Variants in ZMAT4 observed in about 807,000 individuals in gnomAD.
The protein encoded by ZMAT4 is zinc finger matrin-type protein 4.
A neutral mutation model predicts 28.7 loss-of-function variants in ZMAT4; 17 were observed. The observed-to-expected ratio is 0.59, with a 90% CI of 0.41 to 0.89. ZMAT4 has a LOEUF of 0.89. Among genes scored for constraint, ZMAT4 ranks in the 40% least tolerant of loss-of-function variants. The pLI, the probability that ZMAT4 is intolerant of heterozygous loss-of-function variation, is 0.00. For synonymous variants in ZMAT4, 117 were observed against 109.2 expected (o/e 1.07, Z -0.44); for missense variants, 240 against 283.8 (o/e 0.85, Z 1.11).
At position 40,820,256 on chromosome 8, in the gene ZMAT4, G is replaced by A. The variant is rs117117407; in HGVS notation, c.102+5319C>T. 1.0e-2 allele frequency among the ~76,000 whole-genome samples: 1,486 copies of A among 149,036 alleles called. 24 individuals carry two copies. Among genetic ancestry groups the A allele is most frequent in the Middle Eastern group, 0.045 (13 of 288 alleles). On this transcript the variant is annotated intron_variant, in intron 2 of 6. Transcript: ENST00000297737. ...TGTGTACGTGTGCGCATATATGTGA[G>A]TATTGGTGTGTGTCTGTAGATGTGT...
chr8:40,728,633 C>A (rs1811405399), intron 3 of ZMAT4, among the ~76,000 whole-genome samples: 1 of 152,184 alleles, frequency 6.6e-6, no homozygotes, highest in Non-Finnish European at 1.5e-5. Flanking sequence ...TGGTTGAGAA[C>A]CACTGAGTTG....
At position 40,645,453 on chromosome 8, in the gene ZMAT4, A is replaced by T. The variant is rs533857458; in HGVS notation, c.577+29251T>A. Among the ~76,000 whole-genome samples the T allele has an allele frequency of 4.3e-3, 652 of 152,302 alleles. 5 individuals are homozygous for T. Among genetic ancestry groups the T allele is most frequent in the Non-Finnish European group, 6.7e-3 (456 of 68,006 alleles). On this transcript the variant is annotated intron_variant, in intron 5 of 6. Coordinates refer to ENST00000297737, the MANE Select transcript of ZMAT4 (RefSeq NM_024645.3). ...ATTAGAGAGAAGAATATATAAAACT[A>T]AATAGAACACACAGAAAATATAGGT...
chr8:40,770,384 G>T (rs1383098657), intron 2 of ZMAT4, among the ~76,000 whole-genome samples: 1 of 152,064 alleles, frequency 6.6e-6, no homozygotes, highest in Non-Finnish European at 1.5e-5. Flanking sequence ...AAGGGAAAGA[G>T]GTTCCCTGCA....
At chr8:40,701,639 T>G (rs1810154383) in intron 3 of ZMAT4, among the ~76,000 whole-genome samples, 1 of 146,876 alleles carries the variant, frequency 6.8e-6, no homozygotes, top group Admixed American at 7.0e-5. Flanking sequence ...CATCTCAGCC[T>G]CCTGAGTAGC....
intron 6 of ZMAT4, among the ~76,000 whole-genome samples, chr8:40,552,300 A>G (rs1024585110): frequency 2.6e-5 from 4 of 152,134 alleles, no homozygotes; most frequent in African/African-American, 7.2e-5. Context: ...TGCTTTTCAC[A>G]GGGCTTAGTC....
At chr8:40,544,965 T>G (rs1803153699) in intron 6 of ZMAT4, among the ~76,000 whole-genome samples, 1 of 152,200 alleles carries the variant, frequency 6.6e-6, no homozygotes, top group Non-Finnish European at 1.5e-5. Flanking sequence ...AATCGTATTA[T>G]TATTTCCAAG....
At chr8:40,581,056 T>C in intron 6 of ZMAT4, 109 bp downstream of exon 6, 2 of 837,034 alleles carry the variant, frequency 2.4e-6, no homozygotes, top group Non-Finnish European at 3.8e-6. Context: ...GCAAAAGAGA[T>C]GTAATTTCCA....
intron 5 of ZMAT4, among the ~76,000 whole-genome samples, chr8:40,591,756 A>G (rs1296429557): frequency 6.6e-6 from 1 of 152,196 alleles, no homozygotes; most frequent in Non-Finnish European, 1.5e-5. Flanking sequence ...GTATCAAGGA[A>G]GCCAAGAGAA....
At chr8:40,708,020 G>C (rs1431059156) in intron 3 of ZMAT4, among the ~76,000 whole-genome samples, 2 of 152,062 alleles carry the variant, frequency 1.3e-5, no homozygotes, top group Non-Finnish European at 2.9e-5. Flanking sequence ...AATAGAACTA[G>C]AAAGGCAAAT....
intron 5 of ZMAT4, among the ~76,000 whole-genome samples, chr8:40,638,316 T>C (rs1806872040): frequency 6.6e-6 from 1 of 152,224 alleles, no homozygotes; most frequent in South Asian, 2.1e-4. Flanking sequence ...AAACATCACC[T>C]TGTACTCCAA....
intron 2 of ZMAT4, among the ~76,000 whole-genome samples, chr8:40,792,873 T>A (rs757134846): frequency 3.3e-5 from 5 of 151,754 alleles, no homozygotes; most frequent in Non-Finnish European, 7.4e-5. Flanking sequence ...TCCTATATGA[T>A]ACTAGCTATA....
At chr8:40,870,911 T>C (rs1817833169) in intron 1 of ZMAT4, among the ~76,000 whole-genome samples, 1 of 152,222 alleles carries the variant, frequency 6.6e-6, no homozygotes, top group Non-Finnish European at 1.5e-5. Context: ...TGTTGTGTCC[T>C]GGGTCACTTG....
intron 1 of ZMAT4, among the ~76,000 whole-genome samples, chr8:40,831,385 C>A (rs1043847655): frequency 5.3e-5 from 8 of 152,150 alleles, no homozygotes; most frequent in Non-Finnish European, 1.2e-4. Context: ...ACCTGCTTCC[C>A]AGGGGGATGC....
chr8:40,675,030 A>G, intron 4 of ZMAT4, 99 bp from the exon 5 acceptor site: 1 of 888,252 alleles, frequency 1.1e-6, no homozygotes, highest in Non-Finnish European at 1.7e-6. Context: ...TGTTCACTCT[A>G]GAGCTTAAAC....
chr8:40,559,231 C>G (rs891873272), intron 6 of ZMAT4, among the ~76,000 whole-genome samples: 2 of 152,130 alleles, frequency 1.3e-5, no homozygotes, highest in Non-Finnish European at 2.9e-5. Context: ...TGACTGTGAA[C>G]TGGTTCTGGC....
intron 5 of ZMAT4, among the ~76,000 whole-genome samples, chr8:40,651,291 A>T (rs1377354901): frequency 2.0e-5 from 3 of 152,160 alleles, no homozygotes; most frequent in Non-Finnish European, 4.4e-5. Context: ...CAACAGACAA[A>T]CAGAGAGCCA....
intron 3 of ZMAT4, among the ~76,000 whole-genome samples, chr8:40,726,451 T>G (rs1811320366): frequency 6.6e-6 from 1 of 152,222 alleles, no homozygotes; most frequent in Admixed American, 6.5e-5. Context: ...ACTTTTGGCC[T>G]TTCTGCCGCC....
rs573201437 is a variant in ZMAT4 at position 40,767,460 on chromosome 8, T to C, written c.192+181A>G. On this transcript the variant is annotated intron_variant, in intron 3 of 6. Coordinates refer to ENST00000297737, the MANE Select transcript of ZMAT4 (RefSeq NM_024645.3). Reference sequence around the variant, plus strand: ...ACTCCTCCAATACTATATGGGCAAGTTCTGGCAGGAAAATAAAAAAACCTC... The same window carrying C: ...ACTCCTCCAATACTATATGGGCAAGCTCTGGCAGGAAAATAAAAAAACCTC... 1.2e-3 allele frequency among the ~76,000 whole-genome samples: 184 copies of C among 152,284 alleles called. 2 individuals are homozygous for C. The highest frequency in any genetic ancestry group is 4.3e-3 in the African/African-American group (179 of 41,548).
rs76045331 is a variant in ZMAT4 at position 40,597,688 on chromosome 8, T to A, written c.578-16427A>T. Reference sequence around the variant, plus strand: ...GGCAGATTTTTCTTTTGTCTTTTGGTAACTCATATCTCTGAGTTCAGAGGA... The same window carrying A: ...GGCAGATTTTTCTTTTGTCTTTTGGAAACTCATATCTCTGAGTTCAGAGGA... On this transcript the variant is annotated intron_variant, in intron 5 of 6. Coordinates refer to ENST00000297737, the MANE Select transcript of ZMAT4 (RefSeq NM_024645.3). Among the ~76,000 whole-genome samples, 978 of 152,338 alleles carry A rather than the reference T, an allele frequency of 6.4e-3. 23 individuals carry two copies. Among genetic ancestry groups the A allele is most frequent in the East Asian group, 0.036 (189 of 5,192 alleles).
Sources: gnomAD v4.1 joint callset for allele counts (sites outside exome capture counted in the v4.1 genomes callset) on GRCh38, gnomAD v4.1.1 for gene constraint, MANE v1.5 for transcripts, NCBI Gene and HGNC (gene_info 2026-07-23, HGNC 2026-07-21) for gene names.